UBE2D3: variants seen among roughly 807,000 people sequenced by gnomAD.
UBE2D3 encodes ubiquitin-conjugating enzyme E2 D3.
Under a neutral mutation model 22.8 loss-of-function variants are expected in UBE2D3, and 2 were observed. The observed-to-expected ratio is 0.09, with a 90% CI of 0.04 to 0.28. UBE2D3 has a LOEUF of 0.28. UBE2D3 is among the 10% of genes least tolerant of loss of function. The pLI is 1.00. For missense variants in UBE2D3, 27 were observed against 182.5 expected (o/e 0.15, Z 4.91); for synonymous variants, 56 against 60.4 (o/e 0.93, Z 0.34).
intron 4 of UBE2D3, among the ~76,000 whole-genome samples, chr4:102,803,375 C>A (rs1027810690): frequency 6.6e-6 from 1 of 152,176 alleles, no homozygotes; most frequent in Non-Finnish European, 1.5e-5. Flanking sequence ...TTACAACTTA[C>A]ATGAACTGGG....
chr4:102,815,776 T>C (rs558076757), intron 2 of UBE2D3, among the ~76,000 whole-genome samples: 1 of 152,324 alleles, frequency 6.6e-6, no homozygotes, highest in East Asian at 1.9e-4. Flanking sequence ...ATCAAAGAGA[T>C]AAAATCAGCC....
At chr4:102,850,080 TAATAG>T (rs1210316602) in intron 1 of UBE2D3, among the ~76,000 whole-genome samples, 5 of 152,182 alleles carry the variant, frequency 3.3e-5, no homozygotes, top group Non-Finnish European at 1.5e-5. Context: ...TTTATCCATT[TAATAG>T]AATATAGAAG....
At chr4:102,867,242 C>T (rs1286632383) in intron 1 of UBE2D3, among the ~76,000 whole-genome samples, 1 of 152,000 alleles carries the variant, frequency 6.6e-6, no homozygotes, top group Admixed American at 6.5e-5. Context: ...TTATACAGTC[C>T]AGAGAATGAA....
chr4:102,798,982 T>A (rs141984049), intron 7 of UBE2D3: 1 of 1,609,794 alleles, frequency 6.2e-7, no homozygotes, highest in Admixed American at 1.7e-5. Context: ...TTGTACCTAA[T>A]TGAACAAGTA....
At chr4:102,817,001 A>G (rs895847493) in intron 2 of UBE2D3, among the ~76,000 whole-genome samples, 1 of 152,176 alleles carries the variant, frequency 6.6e-6, no homozygotes, top group Non-Finnish European at 1.5e-5. Context: ...AAAACCAACC[A>G]CTAACTTTTC....
intron 5 of UBE2D3, chr4:102,802,064 T>C (rs1264476875): frequency 1.3e-5 from 2 of 154,248 alleles, no homozygotes; most frequent in Admixed American, 6.4e-5. Context: ...TATATTACCT[T>C]TTCTAGTTAT....
chr4:102,826,937 G>T, intron 1 of UBE2D3: 1 of 1,008,860 alleles, frequency 9.9e-7, no homozygotes. Flanking sequence ...AGGAGGAGCC[G>T]GGGCCTAGTC....
chr4:102,822,923 G>A (rs1278118791), intron 2 of UBE2D3, among the ~76,000 whole-genome samples: 6 of 152,164 alleles, frequency 3.9e-5, no homozygotes, highest in African/African-American at 1.4e-4. Context: ...GTAACACAGT[G>A]AGACTCCGTC....
Position 102,794,541 on chromosome 4 carries a change from AT to A in UBE2D3, c.*2873del, listed in dbSNP as rs1314057589. 6.6e-6 allele frequency: 1 copy of A among 152,096 alleles called. No homozygotes were observed. Among genetic ancestry groups the A allele is most frequent in the African/African-American group, 2.4e-5 (1 of 41,446 alleles). The allele number at this position is 152,096 out of a possible 1,614,324, so 9.4% of individuals were successfully genotyped here. ...TCACTTAAAAGTGTAATCAACAATC[AT>A]TAACAGTTTTGTTATGCCAACACAA... On this transcript the variant is annotated 3_prime_UTR_variant, in exon 8 of 8. Coordinates refer to ENST00000453744, the MANE Select transcript of UBE2D3 (RefSeq NM_181891.3).
Position 102,845,859 on chromosome 4 carries a change from C to T in UBE2D3, c.-128-19223G>A, listed in dbSNP as rs112437303. On this transcript the variant is annotated intron_variant, in intron 1 of 7. Transcript: ENST00000338145. ...CAGGCTGAGTGCAGTGGTGTGATCT[C>T]GGCTCACTGCAACCTCCACTTCCCA... Among the ~76,000 whole-genome samples the T allele has an allele frequency of 2.1e-3, 322 of 151,172 alleles. 1 individual carries two copies. The highest frequency in any genetic ancestry group is 7.1e-3 in the African/African-American group (293 of 41,112).
intron 2 of UBE2D3, among the ~76,000 whole-genome samples, chr4:102,822,707 G>T (rs1282771815): frequency 6.6e-6 from 1 of 152,088 alleles, no homozygotes; most frequent in Non-Finnish European, 1.5e-5. Context: ...AGGCTGAGGC[G>T]GGTGGATCAC....
chr4:102,827,589 T>C (rs1236762922), upstream of UBE2D3: 26 of 987,026 alleles, frequency 2.6e-5, no homozygotes, highest in Non-Finnish European at 3.1e-5. Context: ...CCCCTCCTCC[T>C]GCCTCTTCAC....
At chr4:102,832,664 A>G (rs1216300510) in intron 1 of UBE2D3, among the ~76,000 whole-genome samples, 1 of 151,216 alleles carries the variant, frequency 6.6e-6, no homozygotes, top group Non-Finnish European at 1.5e-5. Context: ...TGCCTAAAAA[A>G]TATTTGGGGG....
At chr4:102,825,041 A>C (rs192134894) in intron 2 of UBE2D3, among the ~76,000 whole-genome samples, 1 of 152,376 alleles carries the variant, frequency 6.6e-6, no homozygotes, top group Non-Finnish European at 1.5e-5. Context: ...TCACGATTTC[A>C]TATCAATACA....
At chr4:102,798,277 T>G (rs170565) in intron 7 of UBE2D3, among the ~76,000 whole-genome samples, 62,497 of 122,374 alleles carry the variant, frequency 0.51, 17,842 homozygotes, top group African/African-American at 0.71. Flanking sequence ...CCTTAAGAAA[T>G]GAATATATAT....
At chr4:102,806,477 G>A (rs554971745) in intron 4 of UBE2D3, among the ~76,000 whole-genome samples, 4 of 152,004 alleles carry the variant, frequency 2.6e-5, no homozygotes, top group East Asian at 1.9e-4. Context: ...AGTAACCTAC[G>A]TGGGAAATGA....
chr4:102,868,687 G>T (rs749221950), intron 1 of UBE2D3: 400 of 1,613,884 alleles, frequency 2.5e-4, no homozygotes, highest in Middle Eastern at 1.2e-3. Flanking sequence ...GGCGAGAGGG[G>T]ACGAAGTAGA....
chr4:102,802,445 G>T, intron 5 of UBE2D3, 116 bp downstream of exon 5: 2 of 730,352 alleles, frequency 2.7e-6, no homozygotes, highest in South Asian at 3.0e-5. Context: ...ATCTATACAT[G>T]AGTGCAATTC....
chr4:102,824,183 T>C (rs1201701298), intron 2 of UBE2D3, among the ~76,000 whole-genome samples: 2 of 152,232 alleles, frequency 1.3e-5, no homozygotes, highest in African/African-American at 2.4e-5. Flanking sequence ...GTTTTTCCAA[T>C]ATGCCAAGTT....
Sources: gnomAD v4.1 joint callset for allele counts (sites outside exome capture counted in the v4.1 genomes callset) on GRCh38, gnomAD v4.1.1 for gene constraint, MANE v1.5 for transcripts, NCBI Gene and HGNC (gene_info 2026-07-23, HGNC 2026-07-21) for gene names.